C4BPB: variants seen among roughly 807,000 people sequenced by gnomAD.
The protein encoded by C4BPB is complement component 4 binding protein beta.
C4BPB carries 19 observed loss-of-function variants against 26.6 expected under a neutral mutation model. The ratio of observed to expected loss-of-function variants is 0.71; its 90% confidence interval spans 0.50 to 1.05. The LOEUF (loss-of-function observed/expected upper bound fraction) is 1.05, where lower values mean the gene tolerates loss of function less well. C4BPB is among the 50% of genes least tolerant of loss of function. The probability of loss-of-function intolerance (pLI) is 0.00; values close to 1 mark genes in which losing one functional copy is unlikely to be tolerated. For synonymous variants in C4BPB, 118 were observed against 103.5 expected, an observed-to-expected ratio of 1.14 and a Z score of -0.85; for missense variants, 282 against 302.9, an observed-to-expected ratio of 0.93 and a Z score of 0.51.
At chr1:207,093,230 C>T (rs923874733) in intron 4 of C4BPB, among the ~76,000 whole-genome samples, 9 of 152,158 alleles carry the variant, frequency 5.9e-5, no homozygotes, top group Admixed American at 2.6e-4. Flanking sequence ...CTTACTATTA[C>T]AGTGCAATGC....
chr1:207,089,757 G>A (rs1683949938), intron 2 of C4BPB, among the ~76,000 whole-genome samples, 168 bp downstream of exon 2: 1 of 152,130 alleles, frequency 6.6e-6, no homozygotes, highest in Non-Finnish European at 1.5e-5. Context: ...GGAGCTTAGT[G>A]TACATTTAAT....
At chr1:207,091,978 C>A in intron 4 of C4BPB, 158 bp downstream of exon 4, 1 of 605,896 alleles carries the variant, frequency 1.7e-6, no homozygotes, top group Non-Finnish European at 2.8e-6. Flanking sequence ...CTCACAGAAC[C>A]AAATCTCACC....
chr1:207,091,894 C>G (rs1572753965), intron 4 of C4BPB, 74 bp downstream of exon 4: 1 of 1,259,092 alleles, frequency 7.9e-7, no homozygotes, highest in African/African-American at 1.5e-5. Flanking sequence ...TTGCCACATC[C>G]CTGGGATGCT....
At chr1:207,099,726 T>C in intron 6 of C4BPB, 63 bp from the exon 7 acceptor site, 1 of 1,453,640 alleles carries the variant, frequency 6.9e-7, no homozygotes, top group Non-Finnish European at 9.3e-7. Context: ...CTCACTGGCT[T>C]CAGAGTATAT....
At chr1:207,094,201 C>T (rs752282625) in intron 4 of C4BPB, among the ~76,000 whole-genome samples, 12 of 151,774 alleles carry the variant, frequency 7.9e-5, no homozygotes, top group Admixed American at 3.9e-4. Flanking sequence ...AAAAGCCAGG[C>T]GTGGCAGTGC....
intron 4 of C4BPB, among the ~76,000 whole-genome samples, chr1:207,094,551 C>T (rs1684168750): frequency 6.6e-6 from 1 of 152,114 alleles, no homozygotes; most frequent in African/African-American, 2.4e-5. Flanking sequence ...AGTTTCTATC[C>T]TAGCTCTTAA....
At chr1:207,095,270 C>T in intron 4 of C4BPB, 1 of 456,574 alleles carries the variant, frequency 2.2e-6, no homozygotes, top group Non-Finnish European at 4.4e-6. Context: ...CCTAACACGT[C>T]ATCCTGCTTT....
intron 4 of C4BPB, among the ~76,000 whole-genome samples, chr1:207,092,099 C>A (rs1031950457): frequency 6.6e-6 from 1 of 152,132 alleles, no homozygotes; most frequent in African/African-American, 2.4e-5. Flanking sequence ...GGAGCATCGA[C>A]TATTTTATTT....
rs569948107 is a variant in C4BPB, at chr1:207,094,889, C to A, written c.410-1633C>A. The A allele has an allele frequency of 8.3e-5, 14 of 168,764 alleles. No individual in the cohort carries two copies. The South Asian group carries it at 1.7e-3, about 21-fold the overall frequency. The allele number at this position is 168,764 out of a possible 1,614,324, so 10.5% of individuals were successfully genotyped here. A position where few individuals can be genotyped will look rare whatever the true frequency, so the allele number is the denominator to read the frequency against. On this transcript the variant is annotated intron_variant, in intron 4 of 6. Coordinates refer to ENST00000367078, the MANE Select transcript of C4BPB (RefSeq NM_001017365.3). ...AATAAAAGACGAAACCAATTACATACAAGCCATCTAAGGATAAGGGCATTA... is the reference window on the plus strand; with the variant it reads ...AATAAAAGACGAAACCAATTACATAAAAGCCATCTAAGGATAAGGGCATTA...
In C4BPB at chr1:207,096,623, A is replaced by T. The variant is rs1236630647; in HGVS notation, c.503+8A>T. 1 of 1,490,062 alleles carries T rather than the reference A, an allele frequency of 6.7e-7. No homozygotes were observed. The highest frequency in any genetic ancestry group is 1.2e-5 in the South Asian group (1 of 85,316). 92.3% of individuals were successfully genotyped at this position (1,490,062 alleles called of 1,614,324 possible). A position where few individuals can be genotyped will look rare whatever the true frequency, so the allele number is the denominator to read the frequency against. On this transcript the variant is annotated splice_region_variant and intron_variant, in intron 5 of 6. Coordinates refer to ENST00000367078, the MANE Select transcript of C4BPB (RefSeq NM_001017365.3). ...TTATTACTGTGAAGACAGGTAAGTGAACACAGCCTGTCAAATGCCAGATCT... is the reference window on the plus strand; with the variant it reads ...TTATTACTGTGAAGACAGGTAAGTGTACACAGCCTGTCAAATGCCAGATCT...
intron 4 of C4BPB, among the ~76,000 whole-genome samples, chr1:207,093,597 C>T (rs1340477812): frequency 1.3e-5 from 2 of 152,048 alleles, no homozygotes; most frequent in Admixed American, 1.3e-4. Flanking sequence ...ACACCATATT[C>T]ATAATACATT....
At chr1:207,089,658 T>C (rs1683945881) in intron 2 of C4BPB, 69 bp downstream of exon 2, 2 of 1,280,348 alleles carry the variant, frequency 1.6e-6, no homozygotes, top group South Asian at 1.2e-5. Context: ...TGAGGAACTC[T>C]GTCTAGGGCT....
chr1:207,089,767 T>C (rs967433063), intron 2 of C4BPB, among the ~76,000 whole-genome samples, 178 bp downstream of exon 2: 5 of 152,224 alleles, frequency 3.3e-5, no homozygotes, highest in Non-Finnish European at 2.9e-5. Flanking sequence ...GTACATTTAA[T>C]GATAACCCTG....
At chr1:207,091,986 A>C in intron 4 of C4BPB, 166 bp downstream of exon 4, 11 of 585,944 alleles carry the variant, frequency 1.9e-5, no homozygotes, top group Non-Finnish European at 2.9e-5. Flanking sequence ...ACCAAATCTC[A>C]CCTCAAGAGA....
intron 4 of C4BPB, among the ~76,000 whole-genome samples, chr1:207,093,488 T>C (rs1351824465): frequency 6.6e-6 from 1 of 152,138 alleles, no homozygotes; most frequent in African/African-American, 2.4e-5. Flanking sequence ...AAAGTATAGG[T>C]ACATATAAGT....
intron 4 of C4BPB, among the ~76,000 whole-genome samples, chr1:207,092,710 C>A (rs1558076738): frequency 6.7e-6 from 1 of 149,722 alleles, no homozygotes; most frequent in Non-Finnish European, 1.5e-5. Context: ...TCACTGCAAC[C>A]TCTGCTGCCC....
In C4BPB at chr1:207,091,370, C is replaced by T. The variant is rs61815045; in HGVS notation, c.233-274C>T. ...TTAATATAACAGTACAATAAACATA[C>T]GATTGGTAACTTTCAGTTACGTGAT... On this transcript the variant is annotated intron_variant, in intron 3 of 6. Transcript: ENST00000367078. Among the ~76,000 whole-genome samples, 1,203 of 152,308 alleles carry T rather than the reference C, an allele frequency of 7.9e-3. 11 individuals are homozygous for T. The highest frequency in any genetic ancestry group is 0.011 in the Non-Finnish European group (776 of 68,032).
rs1319108521 is a variant in C4BPB, at chr1:207,099,886, C to T, written c.716C>T (p.Ser239Phe). 2 of 1,613,596 alleles carry T rather than the reference C, an allele frequency of 1.2e-6. No individual in the cohort carries two copies. The highest frequency in any genetic ancestry group is 1.7e-6 in the Non-Finnish European group (2 of 1,179,754). The change falls in exon 7 of 7, where the codon TCT becomes TTT. Residue 239 changes from serine to phenylalanine, a missense_variant. Coordinates refer to ENST00000367078, the MANE Select transcript of C4BPB (RefSeq NM_001017365.3). ...SGMTMEELKYSLELKKAELKA... is the reference protein window; with the variant it reads ...SGMTMEELKYFLELKKAELKA... ...ATGACAATGGAGGAGCTAAAATATT[C>T]TCTGGAGCTGAAGAAAGCTGAGTTG...
In C4BPB at chr1:207,098,057, G is replaced by A. The variant is rs1031555406; in HGVS notation, c.504-93G>A. On this transcript the variant is annotated intron_variant, in intron 5 of 6. Transcript: ENST00000367078. ...GGGCAGGGAGGTGGATTCCATCACAGCATGAAATACTGAAATACAACTACA... is the reference window on the plus strand; with the variant it reads ...GGGCAGGGAGGTGGATTCCATCACAACATGAAATACTGAAATACAACTACA... 154 of 936,134 alleles carry A rather than the reference G, an allele frequency of 1.6e-4. 2 individuals carry two copies. The highest frequency in any genetic ancestry group is 3.6e-5 in the Non-Finnish European group (21 of 583,128). 58.0% of individuals were successfully genotyped at this position (936,134 alleles called of 1,614,324 possible).
Sources: allele counts gnomAD v4.1 joint callset (sites outside exome capture counted in the v4.1 genomes callset), GRCh38; gene constraint gnomAD v4.1.1; transcripts MANE v1.5; gene names NCBI Gene and HGNC (gene_info 2026-07-23, HGNC 2026-07-21).